Variants in ACTR3C observed in about 807,000 individuals in gnomAD.
The protein encoded by ACTR3C is actin-related protein 3C.
ACTR3C carries 18 observed loss-of-function variants against 26.3 expected under a neutral mutation model. That is an observed-to-expected ratio of 0.68 (90% CI 0.47 to 1.01). The LOEUF (loss-of-function observed/expected upper bound fraction) is 1.01, where lower values mean the gene tolerates loss of function less well. ACTR3C is among the 50% of genes least tolerant of loss of function. The pLI, the probability that ACTR3C is intolerant of heterozygous loss-of-function variation, is 0.00. For synonymous variants in ACTR3C, 55 were observed against 94.5 expected (o/e 0.58, Z 2.42); for missense variants, 184 against 250.7 (o/e 0.73, Z 1.80).
the ACTR3C span, among the ~76,000 whole-genome samples, chr7:150,113,112 A>G: frequency 6.6e-6 from 1 of 152,164 alleles, no homozygotes; most frequent in African/African-American, 2.4e-5. Context: ...AGCACCCCAC[A>G]GCTCTCTGCT....
intron 6 of ACTR3C, among the ~76,000 whole-genome samples, chr7:150,263,695 C>T (rs1440776635): frequency 6.6e-6 from 1 of 151,854 alleles, no homozygotes; most frequent in Non-Finnish European, 1.5e-5. Flanking sequence ...AGACTGAAAA[C>T]GAAGAACAAC....
At chr7:150,127,393 G>C in the ACTR3C span, among the ~76,000 whole-genome samples, 1 of 152,186 alleles carries the variant, frequency 6.6e-6, no homozygotes, top group African/African-American at 2.4e-5. Context: ...GTCCATTTTA[G>C]ATTATGCCTA....
At chr7:150,309,116 C>T (rs117679089) in intron 1 of ACTR3C, among the ~76,000 whole-genome samples, 3,247 of 152,226 alleles carry the variant, frequency 0.021, 48 homozygotes, top group Non-Finnish European at 0.032. Context: ...CCGAGATGAT[C>T]CCCAAAGGGA....
chr7:150,031,877 C>T, the ACTR3C span, among the ~76,000 whole-genome samples: 1 of 152,014 alleles, frequency 6.6e-6, no homozygotes, highest in Non-Finnish European at 1.5e-5. Context: ...CTGTTTTGTT[C>T]TTACTGGGGG....
the ACTR3C span, among the ~76,000 whole-genome samples, chr7:150,147,284 G>A: frequency 6.6e-6 from 1 of 152,104 alleles, no homozygotes; most frequent in Non-Finnish European, 1.5e-5. Context: ...AATGTTCCTA[G>A]CTTTAAGATT....
At chr7:150,103,456 A>G in the ACTR3C span, among the ~76,000 whole-genome samples, 2 of 151,908 alleles carry the variant, frequency 1.3e-5, no homozygotes, top group African/African-American at 4.8e-5. Context: ...GAGTGGAGTG[A>G]AGATCTAGCA....
At position 150,252,500 on chromosome 7, in the gene ACTR3C, G is replaced by C. The variant is rs536648405; in HGVS notation, c.565-3446C>G. On this transcript the variant is annotated intron_variant, in intron 6 of 7. Transcript: ENST00000683684. ...TAAGCATTAGGGCAGGTCAGAGAAA[G>C]GGCTGTTTATTTCAGGAAGAATACA... Among the ~76,000 whole-genome samples, 12 of 152,216 alleles carry C rather than the reference G, an allele frequency of 7.9e-5. 1 individual carries two copies. The South Asian group carries it at 2.5e-3, about 32-fold the overall frequency.
chr7:150,039,358 C>T, the ACTR3C span, among the ~76,000 whole-genome samples: 151 of 98,250 alleles, frequency 1.5e-3, no homozygotes, highest in African/African-American at 4.4e-3. Flanking sequence ...CGTGGGGTTG[C>T]CTCCCCCTCC....
intron 6 of ACTR3C, among the ~76,000 whole-genome samples, chr7:150,254,614 T>C (rs1833081190): frequency 6.6e-6 from 1 of 152,188 alleles, no homozygotes; most frequent in Non-Finnish European, 1.5e-5. Flanking sequence ...ACCTGCTTCC[T>C]GTTGACCAGT....
At chr7:150,116,766 A>G in the ACTR3C span, among the ~76,000 whole-genome samples, 3 of 152,214 alleles carry the variant, frequency 2.0e-5, no homozygotes, top group Non-Finnish European at 2.9e-5. Flanking sequence ...TAGAATAAAC[A>G]GTATCTGTAA....
the ACTR3C span, among the ~76,000 whole-genome samples, chr7:150,033,799 G>A: frequency 3.2e-3 from 484 of 152,000 alleles, 1 homozygote; most frequent in African/African-American, 0.011. Flanking sequence ...CAGAGCCAGG[G>A]GGGGAAGAGG....
the ACTR3C span, among the ~76,000 whole-genome samples, chr7:149,882,399 G>A: frequency 9.2e-5 from 14 of 152,184 alleles, no homozygotes; most frequent in Admixed American, 7.9e-4. Flanking sequence ...CCTGGGAGGT[G>A]GAGTCCTGGA....
At chr7:150,202,302 T>C in the ACTR3C span, among the ~76,000 whole-genome samples, 1 of 152,106 alleles carries the variant, frequency 6.6e-6, no homozygotes, top group Non-Finnish European at 1.5e-5. Flanking sequence ...AGCCAGGAAA[T>C]ATATTTCGGT....
chr7:150,131,309 T>G, the ACTR3C span, among the ~76,000 whole-genome samples: 3 of 151,910 alleles, frequency 2.0e-5, no homozygotes, highest in Admixed American at 2.0e-4. Context: ...TGTGATTTAA[T>G]GAGTTTATCT....
chr7:150,129,304 C>T, the ACTR3C span, among the ~76,000 whole-genome samples: 92 of 152,274 alleles, frequency 6.0e-4, no homozygotes, highest in Non-Finnish European at 1.1e-3. Flanking sequence ...GAATACTGAA[C>T]ACTTTTCCCC....
At chr7:150,018,418 T>A in the ACTR3C span, among the ~76,000 whole-genome samples, 1 of 149,286 alleles carries the variant, frequency 6.7e-6, no homozygotes, top group Non-Finnish European at 1.5e-5. Context: ...TTTAAAAAAA[T>A]TTAAAAAATC....
At chr7:150,236,301 G>A in the ACTR3C span, among the ~76,000 whole-genome samples, 29 of 152,140 alleles carry the variant, frequency 1.9e-4, no homozygotes, top group African/African-American at 2.9e-4. Context: ...AATTAAGTTA[G>A]TATTAGCATT....
the ACTR3C span, among the ~76,000 whole-genome samples, chr7:150,111,453 C>T: frequency 1.1e-5 from 1 of 95,098 alleles, no homozygotes; most frequent in African/African-American, 5.6e-5. Flanking sequence ...CCTCCCCATA[C>T]TCACTCCCCC....
At chr7:150,157,686 C>G in the ACTR3C span, among the ~76,000 whole-genome samples, 2 of 152,192 alleles carry the variant, frequency 1.3e-5, no homozygotes, top group Non-Finnish European at 2.9e-5. Flanking sequence ...CTCAAACATT[C>G]TAGGTAGGAA....
Sources: allele counts gnomAD v4.1 joint callset (sites outside exome capture counted in the v4.1 genomes callset), GRCh38; gene constraint gnomAD v4.1.1; transcripts MANE v1.5; gene names NCBI Gene and HGNC (gene_info 2026-07-23, HGNC 2026-07-21).